Variants in BTAF1 observed in about 807,000 individuals in gnomAD.
BTAF1 encodes the protein TATA-binding protein-associated factor 172.
A neutral mutation model predicts 227.1 loss-of-function variants in BTAF1; 38 were observed. The observed-to-expected ratio is 0.17, with a 90% CI of 0.13 to 0.22. The LOEUF (loss-of-function observed/expected upper bound fraction) is 0.22, where lower values mean the gene tolerates loss of function less well. BTAF1 is among the 10% of genes least tolerant of loss of function. The pLI, the probability that BTAF1 is intolerant of heterozygous loss-of-function variation, is 1.00. For missense variants in BTAF1, 1,598 were observed against 2,204.0 expected (o/e 0.73, Z 5.51); for synonymous variants, 742 against 751.9 (o/e 0.99, Z 0.21).
chr10:91,991,797 G>GTATATATATATATATATATATA (rs1166615338), intron 20 of BTAF1, among the ~76,000 whole-genome samples: 11 of 9,988 alleles, frequency 1.1e-3, no homozygotes, highest in African/African-American at 2.0e-3. Context: ...GTGTGTGTGT[G>GTATATATATATATATATATATA]TATATATATA....
intron 11 of BTAF1, among the ~76,000 whole-genome samples, chr10:91,960,650 T>C (rs1421890257): frequency 6.6e-6 from 1 of 152,068 alleles, no homozygotes; most frequent in African/African-American, 2.4e-5. Flanking sequence ...TGTAGTCTTA[T>C]TATTTTCATA....
At chr10:91,953,630 A>T in intron 5 of BTAF1, 107 bp from the exon 6 acceptor site, 2 of 1,211,298 alleles carry the variant, frequency 1.7e-6, no homozygotes, top group East Asian at 2.4e-5. Flanking sequence ...AATGTGATCG[A>T]TGTATATATA....
chr10:92,018,698 G>C, intron 33 of BTAF1, 85 bp from the exon 34 acceptor site: 1 of 1,243,722 alleles, frequency 8.0e-7, no homozygotes, highest in Non-Finnish European at 1.1e-6. Flanking sequence ...AACAGCATAG[G>C]AAATAGCATA....
intron 2 of BTAF1, among the ~76,000 whole-genome samples, chr10:91,939,580 AG>A (rs1589757282): frequency 6.6e-6 from 1 of 152,276 alleles, no homozygotes; most frequent in Admixed American, 6.5e-5. Context: ...TCGGGATGAC[AG>A]GTGTGTGCCA....
At position 92,001,786 on chromosome 10, in the gene BTAF1, TG is replaced by T. The variant is rs961104005; in HGVS notation, c.3660+4036del. 1.2e-3 allele frequency among the ~76,000 whole-genome samples: 189 copies of T among 152,016 alleles called. 1 individual carries two copies. The highest frequency in any genetic ancestry group is 4.3e-3 in the African/African-American group (180 of 41,444). ...AAATACAGTCAACAGAAACAGTCCCTGAAGAGACCCAGATAATAGATAAGGA... is the reference window on the plus strand; with the variant it reads ...AAATACAGTCAACAGAAACAGTCCCTAAGAGACCCAGATAATAGATAAGGA... On this transcript the variant is annotated intron_variant, in intron 25 of 37. Transcript: ENST00000265990.
chr10:91,974,355 G>T (rs1260801714), intron 14 of BTAF1, among the ~76,000 whole-genome samples: 1 of 152,104 alleles, frequency 6.6e-6, no homozygotes, highest in African/African-American at 2.4e-5. Context: ...ATGTGTGCTG[G>T]CATGCACATC....
rs765627546 is a variant in BTAF1 at position 91,953,759 on chromosome 10, T to C, written c.587T>C (p.Ile196Thr). Residue 196 changes from isoleucine (I) to threonine (T), a missense_variant, in exon 6 of 38, where the codon ATT becomes ACT. This residue lies in a region of BTAF1 where 298 missense variants were observed against 395.2 expected (regional missense o/e 0.75). Transcript: ENST00000265990. The part of the protein sequence containing the change: ...KQPTLQAAEL[I>T]DSEFRAGMSN... ...TAGACTCTTCAGGCAGCTGAATTGA[T>C]TGACTCAGAGTTTCGAGCAGGAATG... The C allele has an allele frequency of 6.2e-7, 1 of 1,613,956 alleles. No individual in the cohort carries two copies. Among genetic ancestry groups the C allele is most frequent in the Non-Finnish European group, 8.5e-7 (1 of 1,179,928 alleles).
rs143156678 is a variant in BTAF1 at position 92,027,917 on chromosome 10, T to C, written c.5406+617T>C. ...TTAGTATAAATTATGGTGGGGTATA[T>C]GATGATTAAAACTAGCTGTAATAAC... is the stretch of plus-strand genomic sequence containing the variant. On this transcript the variant is annotated intron_variant, in intron 37 of 37. Coordinates refer to ENST00000265990, the MANE Select transcript of BTAF1 (RefSeq NM_003972.3). 5.9e-5 allele frequency among the ~76,000 whole-genome samples: 9 copies of C among 152,296 alleles called. No individual in the cohort carries two copies. In the East Asian group the frequency reaches 7.7e-4, roughly 13 times the overall value.
At chr10:91,967,906 T>C (rs992011043) in intron 14 of BTAF1, among the ~76,000 whole-genome samples, 2 of 152,200 alleles carry the variant, frequency 1.3e-5, no homozygotes, top group Admixed American at 1.3e-4. Context: ...GTTTTAGATT[T>C]ACAGAAAAAA....
rs1359824280 is a variant in BTAF1 at position 92,029,990 on chromosome 10, GTAGA to G, written c.*1063_*1066del. On this transcript the variant is annotated 3_prime_UTR_variant, in exon 38 of 38. Transcript: ENST00000265990. ...TACTCAATGGTGAGGGTAGGTATATGTAGATAGATGTGCATGTATGTGTTTGTAT... is the reference window on the plus strand; with the variant it reads ...TACTCAATGGTGAGGGTAGGTATATGTAGATGTGCATGTATGTGTTTGTAT... The G allele has an allele frequency of 6.6e-6, 1 of 152,544 alleles. No individual in the cohort carries two copies. Among genetic ancestry groups the G allele is most frequent in the Non-Finnish European group, 1.5e-5 (1 of 67,954 alleles). The allele number at this position is 152,544 out of a possible 1,614,324, so 9.4% of individuals were successfully genotyped here. A position where few individuals can be genotyped will look rare whatever the true frequency, so the allele number is the denominator to read the frequency against.
At position 91,992,198 on chromosome 10, in the gene BTAF1, A is replaced by G. The variant is rs2134028960; in HGVS notation, c.2934A>G (p.Lys978=). ...RGIITLYRHQ[K]AAFAITSRRG... ...TAATTACACTCTACAGGCACCAGAA[A>G]GCTGCCTTTGCTATCACAAGTAGGC... Residue 978 remains lysine, a synonymous_variant, in exon 21 of 38, where the codon AAA becomes AAG. Coordinates refer to ENST00000265990, the MANE Select transcript of BTAF1 (RefSeq NM_003972.3). The G allele has an allele frequency of 1.2e-6, 2 of 1,614,090 alleles. No individual in the cohort carries two copies. Among genetic ancestry groups the G allele is most frequent in the East Asian group, 2.2e-5 (1 of 44,864 alleles).
chr10:91,933,870 G>T lies in BTAF1; in HGVS notation c.15-1787G>T, dbSNP rs948610587. ...CATATTGGAAGAAGGGAATGGATTA[G>T]TAACACTGATTTGAGATATTGGAGA... On this transcript the variant is annotated intron_variant, in intron 1 of 37. Coordinates refer to ENST00000265990, the MANE Select transcript of BTAF1 (RefSeq NM_003972.3). 2.6e-5 allele frequency among the ~76,000 whole-genome samples: 4 copies of T among 152,352 alleles called. No individual in the cohort carries two copies. In the South Asian group the frequency reaches 8.3e-4, roughly 32 times the overall value.
intron 25 of BTAF1, among the ~76,000 whole-genome samples, chr10:92,001,967 ACC>A: frequency 2.2e-5 from 1 of 44,850 alleles, no homozygotes; most frequent in Non-Finnish European, 6.1e-5. Flanking sequence ...AAAAAAAAAA[ACC>A]ATATATATAT....
At chr10:91,983,046 C>G (rs1848172751) in intron 18 of BTAF1, among the ~76,000 whole-genome samples, 1 of 152,126 alleles carries the variant, frequency 6.6e-6, no homozygotes, top group Admixed American at 6.5e-5. Flanking sequence ...TTAAAAACCG[C>G]GTATATGTGA....
chr10:91,954,377 A>G (rs1845954193), intron 6 of BTAF1, among the ~76,000 whole-genome samples: 1 of 152,154 alleles, frequency 6.6e-6, no homozygotes, highest in Non-Finnish European at 1.5e-5. Context: ...AATCTAGGCT[A>G]GTTTATGTAG....
intron 8 of BTAF1, 69 bp from the exon 9 acceptor site, chr10:91,958,996 A>G (rs1229795150): frequency 4.3e-6 from 6 of 1,396,676 alleles, no homozygotes; most frequent in South Asian, 1.2e-5. Context: ...CCTATTTCGT[A>G]TAGAAGAAAA....
At chr10:91,971,332 T>C (rs377425394) in intron 14 of BTAF1, among the ~76,000 whole-genome samples, 2 of 152,222 alleles carry the variant, frequency 1.3e-5, no homozygotes, top group African/African-American at 4.8e-5. Context: ...CTGTTTATTA[T>C]CTTCACCACC....
intron 25 of BTAF1, among the ~76,000 whole-genome samples, chr10:92,004,650 G>A (rs1456954464): frequency 6.6e-6 from 1 of 152,004 alleles, no homozygotes; most frequent in Admixed American, 6.6e-5. Flanking sequence ...TTTATTTTGT[G>A]TGGAGATGGG....
In BTAF1 at chr10:92,026,601, T is replaced by G; in HGVS notation, c.5085T>G (p.Asn1695Lys). 1 of 1,611,432 alleles carries G rather than the reference T, an allele frequency of 6.2e-7. No individual in the cohort carries two copies. The highest frequency in any genetic ancestry group is 8.5e-7 in the Non-Finnish European group (1 of 1,178,470). The change falls in exon 36 of 38, where the codon AAT becomes AAG. Residue 1695 changes from asparagine to lysine, a missense_variant. Asn to Lys is a moderately conservative substitution (Grantham distance 94, BLOSUM62 0). This residue lies in a region of BTAF1 where 205 missense variants were observed against 244.5 expected (regional missense o/e 0.84). Coordinates refer to ENST00000265990, the MANE Select transcript of BTAF1 (RefSeq NM_003972.3). ...TGTTATCTACTTTTAGGTTTAATAA[T>G]GATCCATCTATAGACGTTCTGTTAC... The part of the protein sequence containing the change: ...QRHSIVSRFN[N>K]DPSIDVLLLT...
Sources: gnomAD v4.1 joint callset for allele counts (sites outside exome capture counted in the v4.1 genomes callset) on GRCh38, gnomAD v4.1.1 for gene constraint, gnomAD v4.1.1 regional missense constraint, MANE v1.5 for transcripts, NCBI Gene and HGNC (gene_info 2026-07-23, HGNC 2026-07-21) for gene names.